Variants in COG8 observed in about 807,000 individuals in gnomAD.
COG8 encodes the protein component of oligomeric golgi complex 8, also known as conserved oligomeric Golgi complex subunit 8.
COG8 carries 45 observed loss-of-function variants against 46.5 expected under a neutral mutation model. That is an observed-to-expected ratio of 0.97 (90% CI 0.76 to 1.24). The LOEUF (loss-of-function observed/expected upper bound fraction) is 1.24, where lower values mean the gene tolerates loss of function less well. Ranked by LOEUF, COG8 falls within the 50% of genes most tolerant of loss-of-function variation. The pLI is 0.00. For synonymous variants in COG8, 407 were observed against 347.8 expected, an observed-to-expected ratio of 1.17 and a Z score of -1.90; for missense variants, 793 against 820.8, an observed-to-expected ratio of 0.97 and a Z score of 0.41.
At chr16:69,338,030 C>A (rs919583616) in intron 1 of COG8, among the ~76,000 whole-genome samples, 3 of 152,024 alleles carry the variant, frequency 2.0e-5, no homozygotes, top group African/African-American at 7.3e-5. Context: ...CCGCACCCAG[C>A]CTTTTTTTCT....
In COG8 at chr16:69,336,694, G is replaced by A. The variant is rs766556659; in HGVS notation, c.396C>T (p.Ala132=). 2.5e-5 allele frequency: 40 copies of A among 1,613,814 alleles called. No individual in the cohort carries two copies. Among genetic ancestry groups the A allele is most frequent in the Admixed American group, 3.3e-5 (2 of 59,980 alleles). ...TCCGGCGGTTGGAGCTGATCTCCTC[G>A]GCTTCCTTCACAAAGTTCCTAGTAA... ...QQSCRNFVKE[A]EEISSNRRMN... Residue 132 remains alanine, a synonymous_variant, in exon 2 of 6, where the codon GCC becomes GCT. Transcript: ENST00000306875.
In COG8 at chr16:69,335,260, C is replaced by T; in HGVS notation, c.674G>A (p.Cys225Tyr). The T allele has an allele frequency of 1.2e-6, 2 of 1,613,716 alleles. No individual in the cohort carries two copies. Among genetic ancestry groups the T allele is most frequent in the South Asian group, 1.1e-5 (1 of 91,022 alleles). Reference protein sequence around the residue: ...QLRTNIQLPACLRVIGYLRRM... With the variant: ...QLRTNIQLPAYLRVIGYLRRM... ...CCGCAGGTAGCCAATGACACGGAGGCAGGCAGGAAGCTGGATGTTGGTCCT... is the reference window on the plus strand; with the variant it reads ...CCGCAGGTAGCCAATGACACGGAGGTAGGCAGGAAGCTGGATGTTGGTCCT... The change falls in exon 3 of 6, where the codon TGC (cysteine) becomes TAC (tyrosine). Residue 225 changes from cysteine (C) to tyrosine (Y), a missense_variant. By Grantham distance (194) the Cys-to-Tyr change is radical (BLOSUM62 -2). Transcript: ENST00000306875.
In COG8 at chr16:69,334,775, C is replaced by T. The variant is rs1368166962; in HGVS notation, c.1159G>A (p.Val387Met). 10 of 1,614,066 alleles carry T rather than the reference C, an allele frequency of 6.2e-6. No homozygotes were observed. The highest frequency in any genetic ancestry group is 4.0e-5 in the African/African-American group (3 of 74,946). ...STFQKAIQET[V>M]EKFQEEMNSY... Reference sequence around the variant, plus strand: ...TTCATTTCTTCCTGGAATTTCTCCACTGTTTCCTGAATTGCTTTCTGGAAA... The same window carrying T: ...TTCATTTCTTCCTGGAATTTCTCCATTGTTTCCTGAATTGCTTTCTGGAAA... Residue 387 changes from valine to methionine, a missense_variant, in exon 3 of 6, where the codon GTG becomes ATG. Transcript: ENST00000306875.
chr16:69,336,885 G>C (rs2012238201), intron 1 of COG8, among the ~76,000 whole-genome samples, 173 bp from the exon 2 acceptor site: 1 of 152,152 alleles, frequency 6.6e-6, no homozygotes, highest in African/African-American at 2.4e-5. Context: ...ATCCCAGAGA[G>C]GTTAAGCAAC....
At chr16:69,337,280 CA>C (rs1205833347) in intron 1 of COG8, among the ~76,000 whole-genome samples, 2,573 of 66,042 alleles carry the variant, frequency 0.039, 59 homozygotes, top group South Asian at 0.19. Flanking sequence ...GACTCCGTCT[CA>C]AAAAAAAAAA....
rs537516120 is a variant in COG8 at position 69,337,275 on chromosome 16, C to T, written c.378-563G>A. On this transcript the variant is annotated intron_variant, in intron 1 of 5. Coordinates refer to ENST00000306875, the MANE Select transcript of COG8 (RefSeq NM_032382.5). ...CAGCCTGGCCAACAAAGCAAGACTC[C>T]GTCTCAAAAAAAAAAAAAAAAAAAG... Among the ~76,000 whole-genome samples the T allele has an allele frequency of 6.7e-4, 94 of 139,564 alleles. 1 individual carries two copies. The South Asian group carries it at 0.02, about 30-fold the overall frequency. The allele number at this position is 139,564 out of a possible 152,430, so 91.6% of individuals were successfully genotyped here.
chr16:69,334,662 C>T lies in COG8; in HGVS notation c.1272G>A (p.Gln424=). The T allele has an allele frequency of 1.2e-6, 2 of 1,614,206 alleles. No homozygotes were observed. The highest frequency in any genetic ancestry group is 1.7e-6 in the Non-Finnish European group (2 of 1,180,040). Residue 424 remains glutamine (Q), a synonymous_variant, in exon 3 of 6, where the codon CAG becomes CAA. Transcript: ENST00000306875. The part of the protein sequence containing the change: ...AVPATQPGTL[Q]PPMVLLDFPP... ...GGAAATCTAGGAGCACCATGGGTGG[C>T]TGCAGCGTCCCCGGCTGGGTGGCTG...
Position 69,328,945 on chromosome 16 carries a change from C to T in COG8, c.*261G>A. The T allele has an allele frequency of 1.3e-6, 2 of 1,541,720 alleles. No homozygotes were observed. Among genetic ancestry groups the T allele is most frequent in the East Asian group, 4.9e-5 (2 of 40,744 alleles). On this transcript the variant is annotated 3_prime_UTR_variant, in exon 6 of 6. Coordinates refer to ENST00000306875, the MANE Select transcript of COG8 (RefSeq NM_032382.5). ...ATATGCGAGCCATCCAAGTTGATGCCAAGTAAGATTTGCCCAGCTCAAAGT... is the reference window on the plus strand; with the variant it reads ...ATATGCGAGCCATCCAAGTTGATGCTAAGTAAGATTTGCCCAGCTCAAAGT...
Position 69,331,218 on chromosome 16 carries a change from A to AC in COG8, c.1583-124_1583-123insG, listed in dbSNP as rs1555503576. 3.6e-4 allele frequency: 327 copies of AC among 913,522 alleles called. 3 individuals carry two copies. Among genetic ancestry groups the AC allele is most frequent in the Middle Eastern group, 2.3e-3 (8 of 3,552 alleles). The allele number at this position is 913,522 out of a possible 1,614,324, so 56.6% of individuals were successfully genotyped here. On this transcript the variant is annotated intron_variant, in intron 4 of 5. Transcript: ENST00000306875. ...ATCCCAGCACTTTGGGAGGCCGGGG[A>AC]GGGGGGGGCGGATCACCTGAGGTCA...
intron 2 of COG8, 53 bp from the exon 3 acceptor site, chr16:69,335,401 C>G (rs1401929406): frequency 1.4e-6 from 2 of 1,420,440 alleles, no homozygotes; most frequent in African/African-American, 2.8e-5. Flanking sequence ...CTCTCTAGAA[C>G]CCATTCCCCT....
intron 4 of COG8, 118 bp from the exon 5 acceptor site, chr16:69,331,213 CG>C: frequency 1.0e-6 from 1 of 1,001,554 alleles, no homozygotes. Flanking sequence ...TTTGGGAGGC[CG>C]GGGAGGGGGG....
intron 3 of COG8, 109 bp from the exon 4 acceptor site, chr16:69,332,991 GTAATT>G: frequency 1.0e-6 from 1 of 979,888 alleles, no homozygotes; most frequent in Admixed American, 1.8e-5. Flanking sequence ...CCTGAACAAA[GTAATT>G]TAACAGTACA....
At position 69,327,739 on chromosome 16, in the gene COG8, T is replaced by C; in HGVS notation, c.*1467A>G. 1 of 151,884 alleles carries C rather than the reference T, an allele frequency of 6.6e-6. No individual in the cohort carries two copies. The highest frequency in any genetic ancestry group is 2.1e-4 in the South Asian group (1 of 4,818). 9.4% of individuals were successfully genotyped at this position (151,884 alleles called of 1,614,324 possible). ...TAACTAAAACTGGAGTTTGGCTGGG[T>C]AGTGTGGCTCACAACTGATCCCAGC... is the stretch of plus-strand genomic sequence containing the variant. On this transcript the variant is annotated 3_prime_UTR_variant, in exon 6 of 6. Transcript: ENST00000306875.
At chr16:69,330,495 C>T (rs761394854) in intron 5 of COG8, 14 of 1,472,450 alleles carry the variant, frequency 9.5e-6, no homozygotes, top group East Asian at 2.9e-5. Context: ...GCCCGGACAC[C>T]GACGGCTGCC....
rs1195367094 is a variant in COG8 at position 69,339,362 on chromosome 16, T to G, written c.191A>C (p.Glu64Ala). The G allele has an allele frequency of 6.3e-7, 1 of 1,583,784 alleles. No homozygotes were observed. Among genetic ancestry groups the G allele is most frequent in the East Asian group, 2.3e-5 (1 of 43,332 alleles). ...CCGCTCCTCCGCCAGGCGCTCGGGC[T>G]CGCGCCGCAGCCGCTCCAGCCCCGA... ...SGSGLERLRREPERLAEERAQ... is the reference protein window; with the variant it reads ...SGSGLERLRRAPERLAEERAQ... The change falls in exon 1 of 6, where the codon GAG (glutamate) becomes GCG (alanine). Residue 64 changes from glutamate to alanine, a missense_variant. By Grantham distance (107) the Glu-to-Ala change is moderately radical (BLOSUM62 -1). Transcript: ENST00000306875.
At position 69,328,574 on chromosome 16, in the gene COG8, G is replaced by A. The variant is rs1028572357; in HGVS notation, c.*632C>T. 5.6e-6 allele frequency: 1 copy of A among 177,784 alleles called. No homozygotes were observed. The allele number at this position is 177,784 out of a possible 1,614,324, so 11.0% of individuals were successfully genotyped here. A position where few individuals can be genotyped will look rare whatever the true frequency, so the allele number is the denominator to read the frequency against. Reference sequence around the variant, plus strand: ...CTTTCATTTCCATAAGCAAACTGGCGTCTAAGGCCACAAGCCCTCCGTAAA... The same window carrying A: ...CTTTCATTTCCATAAGCAAACTGGCATCTAAGGCCACAAGCCCTCCGTAAA... On this transcript the variant is annotated 3_prime_UTR_variant, in exon 6 of 6. Transcript: ENST00000306875.
intron 3 of COG8, 142 bp downstream of exon 3, chr16:69,334,379 C>T: frequency 1.3e-6 from 1 of 772,806 alleles, no homozygotes; most frequent in Non-Finnish European, 2.2e-6. Context: ...GCCAGAGCTT[C>T]TCAATCAGGA....
intron 5 of COG8, 193 bp downstream of exon 5, chr16:69,330,620 G>T (rs1383416032): frequency 3.5e-6 from 5 of 1,409,068 alleles, no homozygotes; most frequent in Non-Finnish European, 3.7e-6. Context: ...CCGCAGCGCG[G>T]GGCACGCCGG....
intron 5 of COG8, 76 bp from the exon 6 acceptor site, chr16:69,329,255 C>A: frequency 1.4e-6 from 2 of 1,417,390 alleles, no homozygotes; most frequent in South Asian, 1.5e-5. Context: ...CCCCTGCCCC[C>A]GGTCCTGGCT....
Sources: gnomAD v4.1 joint callset for allele counts (sites outside exome capture counted in the v4.1 genomes callset) on GRCh38, gnomAD v4.1.1 for gene constraint, MANE v1.5 for transcripts, NCBI Gene and HGNC (gene_info 2026-07-23, HGNC 2026-07-21) for gene names.